The following BCAR3 variants were observed in gnomAD, a reference collection of about 807,000 sequenced individuals.
The protein encoded by BCAR3 is breast cancer anti-estrogen resistance protein 3.
A neutral mutation model predicts 80.1 loss-of-function variants in BCAR3; 37 were observed. The observed-to-expected ratio is 0.46, with a 90% CI of 0.36 to 0.61. The LOEUF is 0.61. Ranked by LOEUF, BCAR3 falls within the 20% of genes least tolerant of loss-of-function variation. BCAR3 has a pLI of 0.00. For missense variants in BCAR3, 978 were observed against 1,068.2 expected (o/e 0.92, Z 1.18); for synonymous variants, 389 against 418.9 (o/e 0.93, Z 0.87).
chr1:93,847,109 T>A (rs1314716204), exon 1 of BCAR3: 1 of 236,044 alleles, frequency 4.2e-6, no homozygotes, highest in African/African-American at 2.4e-5. Context: ...CCTCGGCCGC[T>A]CACAGGCGCG....
chr1:93,736,878 A>AT (rs1415213360), intron 2 of BCAR3, among the ~76,000 whole-genome samples: 15 of 152,182 alleles, frequency 9.9e-5, no homozygotes, highest in Non-Finnish European at 1.5e-4. Flanking sequence ...AGGCTTTTGC[A>AT]TTTTATGCTA....
intron 2 of BCAR3, among the ~76,000 whole-genome samples, chr1:93,707,705 T>G (rs1409961915): frequency 6.6e-6 from 1 of 152,108 alleles, no homozygotes; most frequent in African/African-American, 2.4e-5. Flanking sequence ...AGACTCAGTC[T>G]CAATAAATAA....
intron 1 of BCAR3, among the ~76,000 whole-genome samples, chr1:93,675,375 T>A (rs891435467): frequency 2.0e-5 from 3 of 152,258 alleles, no homozygotes; most frequent in African/African-American, 7.2e-5. Context: ...CTTTAGCTGC[T>A]AGAATTGTCT....
chr1:93,649,535 G>A (rs1208329244), intron 2 of BCAR3, among the ~76,000 whole-genome samples: 2 of 150,120 alleles, frequency 1.3e-5, no homozygotes, highest in Non-Finnish European at 3.0e-5. Context: ...GCTTTCAAAA[G>A]GTGAAAGGAA....
At chr1:93,668,666 C>A (rs1393552144) in intron 2 of BCAR3, among the ~76,000 whole-genome samples, 2 of 152,074 alleles carry the variant, frequency 1.3e-5, no homozygotes, top group African/African-American at 4.8e-5. Flanking sequence ...GCTAAGTATA[C>A]CTTCTATTAA....
rs889437786 is a variant in BCAR3, at chr1:93,696,487, C to A, written c.-12+9605G>T. On this transcript the variant is annotated intron_variant, in intron 3 of 13. Transcript: ENST00000370244. The stretch of plus-strand genomic sequence containing the variant: ...CTCAAAGTCATGCCCTCCTCTCCTT[C>A]CCCCACCACCACTCTGGCCCAGGGT... 5.3e-5 allele frequency among the ~76,000 whole-genome samples: 8 copies of A among 152,218 alleles called. No homozygotes were observed. In the South Asian group the frequency reaches 1.2e-3, roughly 24 times the overall value.
intron 2 of BCAR3, among the ~76,000 whole-genome samples, chr1:93,718,185 A>C (rs536837557): frequency 3.9e-5 from 6 of 152,366 alleles, no homozygotes; most frequent in Admixed American, 1.3e-4. Flanking sequence ...GAGAAGTTTC[A>C]TGACAAAGGA....
intron 8 of BCAR3, among the ~76,000 whole-genome samples, chr1:93,574,584 C>G (rs1017561455): frequency 6.6e-5 from 10 of 152,204 alleles, no homozygotes; most frequent in Non-Finnish European, 2.9e-5. Context: ...TCCCAGCACA[C>G]TGAATGATAC....
chr1:93,683,950 C>T (rs1453163928), upstream of BCAR3, among the ~76,000 whole-genome samples: 2 of 152,042 alleles, frequency 1.3e-5, no homozygotes, highest in African/African-American at 4.8e-5. Flanking sequence ...TTTAATTGTA[C>T]TGTATTGGGT....
intron 3 of BCAR3, among the ~76,000 whole-genome samples, chr1:93,622,159 A>G (rs796495971): frequency 2.0e-5 from 3 of 152,224 alleles, no homozygotes; most frequent in Non-Finnish European, 2.9e-5. Context: ...TAGGCCTCCC[A>G]AAGTGCTGGG....
intron 2 of BCAR3, among the ~76,000 whole-genome samples, chr1:93,822,010 C>A (rs1654239732): frequency 6.6e-6 from 1 of 152,060 alleles, no homozygotes; most frequent in South Asian, 2.1e-4. Flanking sequence ...GAGGCAGGAG[C>A]CAAGCAAGGT....
rs59177497 is a variant in BCAR3 at position 93,727,556 on chromosome 1, C to T, written c.-62-21414G>A. On this transcript the variant is annotated intron_variant, in intron 2 of 13. Coordinates refer to the BCAR3 transcript ENST00000370244. Reference sequence around the variant, plus strand: ...TCCTTCAGCCTATCTGTGGCCATTACCTCTTGCCCTCCACTCACGAGGCAG... The same window carrying T: ...TCCTTCAGCCTATCTGTGGCCATTATCTCTTGCCCTCCACTCACGAGGCAG... 2.2e-4 allele frequency among the ~76,000 whole-genome samples: 34 copies of T among 152,296 alleles called. No individual in the cohort carries two copies. The East Asian group carries it at 6.6e-3, about 29-fold the overall frequency.
At chr1:93,797,404 CAT>C (rs1374496349) in intron 2 of BCAR3, among the ~76,000 whole-genome samples, 2 of 152,104 alleles carry the variant, frequency 1.3e-5, no homozygotes, top group African/African-American at 4.8e-5. Flanking sequence ...GCCTCTATTG[CAT>C]TTAAGGCTCT....
chr1:93,647,949 T>C (rs746411028), intron 2 of BCAR3, among the ~76,000 whole-genome samples: 1 of 152,040 alleles, frequency 6.6e-6, no homozygotes, highest in Non-Finnish European at 1.5e-5. Context: ...ATTTTTGTAT[T>C]TTTAGTAGAG....
chr1:93,730,575 A>G (rs1166567122), intron 2 of BCAR3, among the ~76,000 whole-genome samples: 8 of 152,118 alleles, frequency 5.3e-5, no homozygotes, highest in Non-Finnish European at 1.2e-4. Context: ...TGCATATCCA[A>G]ATCGCTTTCC....
intron 2 of BCAR3, among the ~76,000 whole-genome samples, chr1:93,812,250 G>A (rs905369726): frequency 2.6e-5 from 4 of 151,856 alleles, no homozygotes; most frequent in African/African-American, 4.8e-5. Context: ...TATTTTCCAC[G>A]CACCCTTACC....
intron 2 of BCAR3, among the ~76,000 whole-genome samples, chr1:93,728,049 G>A (rs1394915360): frequency 6.6e-6 from 1 of 152,218 alleles, no homozygotes; most frequent in Non-Finnish European, 1.5e-5. Flanking sequence ...GCTGGGAGAG[G>A]CAAGGAAGGA....
At chr1:93,699,800 AT>A (rs1244767418) in intron 3 of BCAR3, among the ~76,000 whole-genome samples, 2 of 152,088 alleles carry the variant, frequency 1.3e-5, no homozygotes, top group Non-Finnish European at 2.9e-5. Context: ...GACATTACAT[AT>A]AGACCCATTT....
intron 9 of BCAR3, among the ~76,000 whole-genome samples, chr1:93,571,220 G>T (rs1486321939): frequency 6.7e-6 from 1 of 149,018 alleles, no homozygotes. Context: ...AAAAAAAATA[G>T]ACCCCAGTCC....
Sources: gnomAD v4.1 joint callset for allele counts (sites outside exome capture counted in the v4.1 genomes callset) on GRCh38, gnomAD v4.1.1 for gene constraint, MANE v1.5 for transcripts, NCBI Gene and HGNC (gene_info 2026-07-23, HGNC 2026-07-21) for gene names.